EMSY: variants seen among roughly 807,000 people sequenced by gnomAD.
The protein encoded by EMSY is EMSY transcriptional repressor, BRCA2 interacting, also known as BRCA2-interacting transcriptional repressor EMSY.
EMSY carries 26 observed loss-of-function variants against 134.6 expected under a neutral mutation model. The ratio of observed to expected loss-of-function variants is 0.19; its 90% CI spans 0.14 to 0.27. The LOEUF is 0.27. Ranked by LOEUF, EMSY falls within the 10% of genes least tolerant of loss-of-function variation. The pLI, the probability that EMSY is intolerant of heterozygous loss-of-function variation, is 1.00. For synonymous variants in EMSY, 579 were observed against 577.8 expected (o/e 1.00, Z -0.03); for missense variants, 1,305 against 1,611.4 (o/e 0.81, Z 3.26).
intron 6 of EMSY, among the ~76,000 whole-genome samples, chr11:76,462,481 A>G (rs1948164551): frequency 6.6e-6 from 1 of 152,200 alleles, no homozygotes; most frequent in Non-Finnish European, 1.5e-5. Context: ...CCCCTTACTA[A>G]TGGGAGATAT....
At chr11:76,528,717 G>C (rs901142628) in intron 14 of EMSY, among the ~76,000 whole-genome samples, 2 of 151,778 alleles carry the variant, frequency 1.3e-5, no homozygotes, top group Admixed American at 1.3e-4. Flanking sequence ...AATCTGTCAG[G>C]TAGGTAATAT....
chr11:76,447,001 A>G, exon 2 of EMSY: 1 of 1,613,612 alleles, frequency 6.2e-7, no homozygotes, highest in Non-Finnish European at 8.5e-7. Context: ...GAATTCTTCG[A>G]AAATTGGGTA....
intron 4 of EMSY, among the ~76,000 whole-genome samples, chr11:76,455,521 G>T (rs193267355): frequency 1.3e-5 from 2 of 152,076 alleles, no homozygotes; most frequent in African/African-American, 4.8e-5. Flanking sequence ...AAAGGAATGC[G>T]CCTGAACTGA....
At chr11:76,477,107 T>C (rs922909455) in intron 8 of EMSY, among the ~76,000 whole-genome samples, 15 of 151,990 alleles carry the variant, frequency 9.9e-5, no homozygotes, top group South Asian at 2.1e-4. Context: ...TAATACATAA[T>C]AGTTTCAGAA....
intron 19 of EMSY, 82 bp downstream of exon 20, chr11:76,544,904 T>C: frequency 7.1e-7 from 1 of 1,412,886 alleles, no homozygotes; most frequent in African/African-American, 1.4e-5. Flanking sequence ...CCTATCATGA[T>C]ATCAGTGCTT....
At chr11:76,451,272 T>C (rs181897862) in intron 2 of EMSY, among the ~76,000 whole-genome samples, 389 of 152,310 alleles carry the variant, frequency 2.6e-3, no homozygotes, top group African/African-American at 9.0e-3. Context: ...TTCTGGAGGG[T>C]ACCTACAAAG....
At chr11:76,535,663 G>A (rs1191045196) in intron 14 of EMSY, among the ~76,000 whole-genome samples, 1 of 152,050 alleles carries the variant, frequency 6.6e-6, no homozygotes, top group Non-Finnish European at 1.5e-5. Context: ...CTAGATTCTG[G>A]CACATAAGTG....
intron 9 of EMSY, among the ~76,000 whole-genome samples, chr11:76,510,863 CT>C (rs927917906): frequency 6.6e-6 from 1 of 152,236 alleles, no homozygotes; most frequent in Non-Finnish European, 1.5e-5. Flanking sequence ...GAATGTACCC[CT>C]TGCTGAGCTA....
At position 76,519,609 on chromosome 11, in the gene EMSY, C is replaced by T. The variant is rs181530342; in HGVS notation, c.1684+3297C>T. ...GCTATTGTTTTTGCACTTTTTCATT[C>T]GTTCATTCTTTGAGCAAAGCAACAT... is the stretch of plus-strand genomic sequence containing the variant. On this transcript the variant is annotated intron_variant, in intron 11 of 20. Transcript: ENST00000334736. Among the ~76,000 whole-genome samples, 219 of 152,160 alleles carry T rather than the reference C, an allele frequency of 1.4e-3. 1 individual carries two copies. Among genetic ancestry groups the T allele is most frequent in the South Asian group, 6.4e-3 (31 of 4,818 alleles).
chr11:76,495,199 A>G (rs560901427), intron 8 of EMSY, among the ~76,000 whole-genome samples: 52 of 152,330 alleles, frequency 3.4e-4, no homozygotes, highest in Admixed American at 1.4e-3. Flanking sequence ...CTCTAGAGAC[A>G]TTTTACATAA....
intron 7 of EMSY, among the ~76,000 whole-genome samples, chr11:76,466,511 T>G (rs1268489248): frequency 6.6e-6 from 1 of 152,204 alleles, no homozygotes; most frequent in Non-Finnish European, 1.5e-5. Context: ...TCATGCTGTT[T>G]TAGAGGGATT....
At chr11:76,534,143 A>G (rs1340388751) in intron 14 of EMSY, among the ~76,000 whole-genome samples, 1 of 152,000 alleles carries the variant, frequency 6.6e-6, no homozygotes, top group Non-Finnish European at 1.5e-5. Context: ...ATCTCTTTCT[A>G]CCTTATCTCT....
At chr11:76,524,094 G>A (rs1448890932) in intron 12 of EMSY, among the ~76,000 whole-genome samples, 1 of 152,084 alleles carries the variant, frequency 6.6e-6, no homozygotes, top group East Asian at 1.9e-4. Context: ...TTATAGTTCT[G>A]AAGGCAGTTG....
At chr11:76,534,158 A>G (rs1565355856) in intron 14 of EMSY, among the ~76,000 whole-genome samples, 1 of 152,094 alleles carries the variant, frequency 6.6e-6, no homozygotes, top group Non-Finnish European at 1.5e-5. Flanking sequence ...ATCTCTATAA[A>G]CACAATCCCT....
intron 8 of EMSY, among the ~76,000 whole-genome samples, chr11:76,480,672 T>A (rs1419237994): frequency 1.3e-5 from 2 of 152,052 alleles, no homozygotes; most frequent in East Asian, 1.9e-4. Flanking sequence ...CCCAGCGAGA[T>A]CAACACAGAA....
intron 7 of EMSY, among the ~76,000 whole-genome samples, chr11:76,470,260 A>G (rs368532284): frequency 2.0e-5 from 3 of 152,272 alleles, no homozygotes; most frequent in East Asian, 3.9e-4. Flanking sequence ...TTTTCTAGCT[A>G]GGTACAAATA....
At chr11:76,505,935 G>A (rs1281536958) in intron 9 of EMSY, among the ~76,000 whole-genome samples, 1 of 151,826 alleles carries the variant, frequency 6.6e-6, no homozygotes, top group African/African-American at 2.4e-5. Flanking sequence ...AGGCCAAGGC[G>A]AGAGAATCAC....
At chr11:76,497,576 G>GTTT (rs1031548769) in intron 9 of EMSY, among the ~76,000 whole-genome samples, 3 of 152,008 alleles carry the variant, frequency 2.0e-5, no homozygotes, top group Non-Finnish European at 4.4e-5. Flanking sequence ...GGTTTTGGTA[G>GTTT]TTTATGGTTT....
chr11:76,477,501 AAAT>A (rs1190139042), intron 8 of EMSY, among the ~76,000 whole-genome samples: 1 of 152,072 alleles, frequency 6.6e-6, no homozygotes, highest in African/African-American at 2.4e-5. Context: ...GCATATAAGC[AAAT>A]ATGTATTTAT....
Sources: allele counts gnomAD v4.1 joint callset (sites outside exome capture counted in the v4.1 genomes callset), GRCh38; gene constraint gnomAD v4.1.1; transcripts MANE v1.5; gene names NCBI Gene and HGNC (gene_info 2026-07-23, HGNC 2026-07-21).